NKAIN3: variants seen among roughly 807,000 people sequenced by gnomAD.
NKAIN3 encodes the protein sodium/potassium-transporting ATPase subunit beta-1-interacting protein 3.
NKAIN3 carries 25 observed loss-of-function variants against 30.2 expected under a neutral mutation model. That is an observed-to-expected ratio of 0.83 (90% confidence interval 0.60 to 1.16). The LOEUF is 1.16. Among genes scored for constraint, NKAIN3 ranks in the 50% most tolerant of loss-of-function variants. The pLI, the probability that NKAIN3 is intolerant of heterozygous loss-of-function variation, is 0.00. For missense variants in NKAIN3, 225 were observed against 254.1 expected, an observed-to-expected ratio of 0.89 and a Z score of 0.78; for synonymous variants, 91 against 89.6, an observed-to-expected ratio of 1.02 and a Z score of -0.09.
chr8:62,310,483 C>T (rs1042531973), intron 1 of NKAIN3, among the ~76,000 whole-genome samples: 10 of 150,572 alleles, frequency 6.6e-5, no homozygotes, highest in South Asian at 6.2e-4. Flanking sequence ...GTATTTAGAA[C>T]GTAATGTGTA....
Position 62,933,442 on chromosome 8 carries a change from C to CA in NKAIN3, c.532+14929_532+14930insA, listed in dbSNP as rs989052829. Among the ~76,000 whole-genome samples, 68 of 151,968 alleles carry CA rather than the reference C, an allele frequency of 4.5e-4. No individual in the cohort carries two copies. In the East Asian group the frequency reaches 9.1e-3, roughly 20 times the overall value. Reference sequence around the variant, plus strand: ...ATAAGAATGATTAAAAAATATATTGCGGGAAAAAACTGGATAACTAAGAAA... The same window carrying CA: ...ATAAGAATGATTAAAAAATATATTGCAGGGAAAAAACTGGATAACTAAGAAA... On this transcript the variant is annotated intron_variant, in intron 5 of 6. Transcript: ENST00000623646.
chr8:62,300,822 C>T (rs935839607), intron 1 of NKAIN3, among the ~76,000 whole-genome samples: 16 of 152,102 alleles, frequency 1.1e-4, no homozygotes, highest in African/African-American at 3.1e-4. Context: ...GTTTTAGCTC[C>T]ATTGAGTTAT....
intron 4 of NKAIN3, among the ~76,000 whole-genome samples, chr8:62,882,862 T>C (rs1348390485): frequency 6.6e-6 from 1 of 152,186 alleles, no homozygotes; most frequent in African/African-American, 2.4e-5. Context: ...TTGACTATAC[T>C]TATGTGGGGC....
intron 3 of NKAIN3, among the ~76,000 whole-genome samples, chr8:62,624,529 A>T (rs1298500262): frequency 3.7e-5 from 5 of 135,434 alleles, no homozygotes; most frequent in African/African-American, 5.8e-5. Context: ...TTTTTTTTTT[A>T]ATCTTTGATT....
chr8:62,512,764 A>G (rs892887195), intron 1 of NKAIN3, among the ~76,000 whole-genome samples: 2 of 152,078 alleles, frequency 1.3e-5, no homozygotes, highest in South Asian at 4.1e-4. Context: ...TGCAGGGTCT[A>G]TTTATGTGAC....
chr8:62,396,131 G>A (rs1015454472), intron 1 of NKAIN3, among the ~76,000 whole-genome samples: 7 of 152,148 alleles, frequency 4.6e-5, no homozygotes, highest in Admixed American at 3.3e-4. Context: ...TTAGTGTAAT[G>A]TTTAGTGTTA....
At chr8:62,685,332 A>G (rs756185562) in intron 3 of NKAIN3, among the ~76,000 whole-genome samples, 13 of 152,164 alleles carry the variant, frequency 8.5e-5, no homozygotes, top group Non-Finnish European at 1.5e-4. Flanking sequence ...AAATGATGTT[A>G]AAAGGGTTCA....
chr8:62,268,017 T>G (rs1812660288), intron 1 of NKAIN3, among the ~76,000 whole-genome samples: 1 of 152,224 alleles, frequency 6.6e-6, no homozygotes, highest in African/African-American at 2.4e-5. Context: ...ACAGGGTGTT[T>G]AAGAAGCACA....
chr8:62,695,719 CAT>C (rs1287713225), intron 3 of NKAIN3, among the ~76,000 whole-genome samples: 2 of 152,152 alleles, frequency 1.3e-5, no homozygotes, highest in African/African-American at 2.4e-5. Flanking sequence ...CTATTGCTGA[CAT>C]GTTGCTTTTT....
intron 5 of NKAIN3, among the ~76,000 whole-genome samples, chr8:62,932,910 A>G (rs1460419448): frequency 6.6e-6 from 1 of 151,776 alleles, no homozygotes; most frequent in African/African-American, 2.4e-5. Context: ...CAACATTTAT[A>G]GGCATCCAGT....
At chr8:62,620,975 G>A (rs1232878910) in intron 3 of NKAIN3, among the ~76,000 whole-genome samples, 1 of 152,146 alleles carries the variant, frequency 6.6e-6, no homozygotes, top group Non-Finnish European at 1.5e-5. Flanking sequence ...GTGATCCTGA[G>A]TGCTCTTAAA....
chr8:62,310,964 C>A (rs991133687), intron 1 of NKAIN3, among the ~76,000 whole-genome samples: 7 of 150,236 alleles, frequency 4.7e-5, no homozygotes, highest in African/African-American at 1.8e-4. Flanking sequence ...CCTGACAAGC[C>A]GACTGAGTCA....
chr8:62,522,144 A>G (rs1479625464), intron 1 of NKAIN3, among the ~76,000 whole-genome samples: 1 of 152,150 alleles, frequency 6.6e-6, no homozygotes, highest in East Asian at 1.9e-4. Flanking sequence ...TGTATTAAAT[A>G]TAGTCATATA....
At chr8:62,884,856 T>C (rs1821095583) in intron 4 of NKAIN3, among the ~76,000 whole-genome samples, 2 of 152,162 alleles carry the variant, frequency 1.3e-5, no homozygotes, top group African/African-American at 4.8e-5. Flanking sequence ...AATTTGTGTC[T>C]TCTCCCTTTT....
intron 1 of NKAIN3, among the ~76,000 whole-genome samples, chr8:62,535,873 T>A (rs1432054442): frequency 6.6e-6 from 1 of 152,110 alleles, no homozygotes; most frequent in African/African-American, 2.4e-5. Context: ...CAGGGAAGAT[T>A]AGAGTCCTAC....
At chr8:62,939,554 T>G (rs1822889605) in intron 5 of NKAIN3, among the ~76,000 whole-genome samples, 1 of 152,164 alleles carries the variant, frequency 6.6e-6, no homozygotes, top group Non-Finnish European at 1.5e-5. Context: ...AGAGCAGATT[T>G]CTCAGCAGAA....
At chr8:62,279,694 T>A (rs978421012) in intron 1 of NKAIN3, among the ~76,000 whole-genome samples, 2 of 152,120 alleles carry the variant, frequency 1.3e-5, no homozygotes, top group African/African-American at 4.8e-5. Flanking sequence ...AGATAAGTGG[T>A]ATTATTTCTG....
At chr8:62,569,625 A>C (rs1283322848) in intron 1 of NKAIN3, among the ~76,000 whole-genome samples, 2 of 152,054 alleles carry the variant, frequency 1.3e-5, no homozygotes, top group Non-Finnish European at 2.9e-5. Flanking sequence ...AAAATACAAA[A>C]ATTAGCCAGG....
chr8:62,930,485 C>G (rs980304790), intron 5 of NKAIN3, among the ~76,000 whole-genome samples: 2 of 151,960 alleles, frequency 1.3e-5, no homozygotes, highest in Admixed American at 1.3e-4. Flanking sequence ...AACTCCTGAC[C>G]ACAGGTGATC....
Sources: gnomAD v4.1 joint callset for allele counts (sites outside exome capture counted in the v4.1 genomes callset) on GRCh38, gnomAD v4.1.1 for gene constraint, MANE v1.5 for transcripts, NCBI Gene and HGNC (gene_info 2026-07-23, HGNC 2026-07-21) for gene names.